Variants in DOCK5 observed in about 807,000 individuals in gnomAD.
DOCK5 encodes the protein dedicator of cytokinesis protein 5.
DOCK5 carries 142 observed loss-of-function variants against 251.8 expected under a neutral mutation model. The ratio of observed to expected loss-of-function variants is 0.56; its 90% CI spans 0.49 to 0.65. DOCK5 has a LOEUF of 0.65. Ranked by LOEUF, DOCK5 falls within the 30% of genes least tolerant of loss-of-function variation. DOCK5 has a pLI of 0.00. For synonymous variants in DOCK5, 842 were observed against 835.5 expected, an observed-to-expected ratio of 1.01 and a Z score of -0.13; for missense variants, 2,111 against 2,312.3, an observed-to-expected ratio of 0.91 and a Z score of 1.79.
rs192639172 is a variant in DOCK5 at position 25,351,852 on chromosome 8, C to T, written c.2850+26C>T. On this transcript the variant is annotated intron_variant, in intron 27 of 51. Transcript: ENST00000276440. ...GTGAGTATCTCTTTGTTGGATCCCA[C>T]GGCCGCTGCTGTTTCTCTGTCCCCT... is the stretch of plus-strand genomic sequence containing the variant. 2.2e-5 allele frequency: 35 copies of T among 1,597,540 alleles called. No individual in the cohort carries two copies. In the Admixed American group the frequency reaches 2.7e-4, roughly 12 times the overall value.
chr8:25,300,770 C>A, intron 9 of DOCK5, 113 bp downstream of exon 9: 1 of 1,181,300 alleles, frequency 8.5e-7, no homozygotes, highest in Admixed American at 2.3e-5. Context: ...AATCATCAAT[C>A]TGCCTAGCAG....
chr8:25,320,269 G>A (rs1017101763), intron 15 of DOCK5, among the ~76,000 whole-genome samples: 4 of 152,100 alleles, frequency 2.6e-5, no homozygotes, highest in East Asian at 1.9e-4. Context: ...GAAGTCACAC[G>A]AGTTCTTCAT....
intron 1 of DOCK5, among the ~76,000 whole-genome samples, chr8:25,219,294 T>A (rs1586237369): frequency 1.3e-5 from 2 of 152,258 alleles, no homozygotes; most frequent in African/African-American, 2.4e-5. Context: ...TTCATTTCTA[T>A]GTCCTCCAAT....
Position 25,411,611 on chromosome 8 carries a change from A to C in DOCK5, c.*313A>C, listed in dbSNP as rs912788459. On this transcript the variant is annotated 3_prime_UTR_variant, in exon 52 of 52. Coordinates refer to ENST00000276440, the MANE Select transcript of DOCK5 (RefSeq NM_024940.8). ...CGGCAGAGACATGGTGGTCTGCACA[A>C]GCCTGGACAAGTTCTTCCATATTGA... 1.7e-5 allele frequency: 4 copies of C among 241,630 alleles called. No individual in the cohort carries two copies. Among genetic ancestry groups the C allele is most frequent in the Non-Finnish European group, 3.2e-5 (4 of 126,814 alleles). The allele number at this position is 241,630 out of a possible 1,614,324, so 15.0% of individuals were successfully genotyped here.
intron 26 of DOCK5, among the ~76,000 whole-genome samples, chr8:25,346,952 T>A (rs1800381234): frequency 6.6e-6 from 1 of 152,046 alleles, no homozygotes; most frequent in Admixed American, 6.6e-5. Flanking sequence ...ATGTGTTCAC[T>A]CGAACAGTTG....
rs55963570 is a variant in DOCK5, at chr8:25,246,704, T to TTGTGTGTGTG, written c.127+2990_127+2999dup. Reference sequence around the variant, plus strand: ...GGTAATTCTTCACTGCCATGTTAGTTTGTGTGTGTGTGTGTGTGTGTGTGT... The same window carrying TTGTGTGTGTG: ...GGTAATTCTTCACTGCCATGTTAGTTTGTGTGTGTGTGTGTGTGTGTGTGTGTGTGTGTGT... On this transcript the variant is annotated intron_variant, in intron 2 of 51. Transcript: ENST00000276440. Among the ~76,000 whole-genome samples, 189 of 89,590 alleles carry TTGTGTGTGTG rather than the reference T, an allele frequency of 2.1e-3. 1 individual carries two copies. The highest frequency in any genetic ancestry group is 6.1e-3 in the African/African-American group (153 of 25,246). The allele number at this position is 89,590 out of a possible 152,430, so 58.8% of individuals were successfully genotyped here.
At chr8:25,288,338 A>G (rs949394096) in intron 5 of DOCK5, among the ~76,000 whole-genome samples, 7 of 152,224 alleles carry the variant, frequency 4.6e-5, no homozygotes, top group African/African-American at 1.7e-4. Flanking sequence ...ATCTCCTTGA[A>G]GTGAATGGGG....
intron 5 of DOCK5, 53 bp downstream of exon 5, chr8:25,278,718 T>A: frequency 6.5e-7 from 1 of 1,541,798 alleles, no homozygotes; most frequent in Non-Finnish European, 8.9e-7. Flanking sequence ...GTCCTCAGCC[T>A]GTAGGTCCTT....
rs532454572 is a variant in DOCK5 at position 25,412,990 on chromosome 8, A to G, written c.*1692A>G. ...GAAAACCTGCATTGTGCTAGCATGG[A>G]AGAATCATGGGCTTTGGAATTAAAC... On this transcript the variant is annotated 3_prime_UTR_variant, in exon 52 of 52. Transcript: ENST00000276440. 6.6e-6 allele frequency: 1 copy of G among 152,324 alleles called. No individual in the cohort carries two copies. Among genetic ancestry groups the G allele is most frequent in the South Asian group, 2.1e-4 (1 of 4,826 alleles). The allele number at this position is 152,324 out of a possible 1,614,324, so 9.4% of individuals were successfully genotyped here.
intron 21 of DOCK5, among the ~76,000 whole-genome samples, chr8:25,335,403 A>G (rs945569377): frequency 2.0e-5 from 3 of 152,078 alleles, no homozygotes; most frequent in South Asian, 4.2e-4. Context: ...TTTTTAAAAA[A>G]TAATAATTCG....
Position 25,308,780 on chromosome 8 carries a change from A to G in DOCK5, c.1050-3A>G. ...ACCTTACCTCTTATTTCTCTTTCCC[A>G]AGAATTGCGATGGAAACCTACATCC... On this transcript the variant is annotated splice_polypyrimidine_tract_variant and splice_region_variant and intron_variant, in intron 11 of 51. Coordinates refer to ENST00000276440, the MANE Select transcript of DOCK5 (RefSeq NM_024940.8). 1.2e-6 allele frequency: 2 copies of G among 1,613,538 alleles called. No homozygotes were observed. Among genetic ancestry groups the G allele is most frequent in the Non-Finnish European group, 1.7e-6 (2 of 1,179,552 alleles).
intron 27 of DOCK5, among the ~76,000 whole-genome samples, chr8:25,352,810 G>A (rs1271897230): frequency 1.3e-5 from 2 of 152,116 alleles, no homozygotes; most frequent in Non-Finnish European, 2.9e-5. Flanking sequence ...ATAGTGTTAG[G>A]AGGCAACAGG....
Position 25,366,941 on chromosome 8 carries a change from ACAAGC to A in DOCK5, c.3201_3205del (p.Lys1068GlnfsTer5). ...AGTCCCTTCAGCTTGAAACCTTCTCACAAGCCAAGCGCAACAAAATTGTTAAAAAG... is the reference window on the plus strand; with the variant it reads ...AGTCCCTTCAGCTTGAAACCTTCTCACAAGCGCAACAAAATTGTTAAAAAG... On this transcript the variant is annotated frameshift_variant, in exon 31 of 52. Coordinates refer to ENST00000276440, the MANE Select transcript of DOCK5 (RefSeq NM_024940.8). LOFTEE classifies it high-confidence loss of function. 1 of 1,613,752 alleles carries A rather than the reference ACAAGC, an allele frequency of 6.2e-7. No individual in the cohort carries two copies. The highest frequency in any genetic ancestry group is 8.5e-7 in the Non-Finnish European group (1 of 1,179,768).
intron 5 of DOCK5, among the ~76,000 whole-genome samples, chr8:25,286,908 T>C (rs1804350724): frequency 6.6e-6 from 1 of 152,100 alleles, no homozygotes; most frequent in Non-Finnish European, 1.5e-5. Context: ...CTCAAACTCC[T>C]AGGCTCAAGC....
In DOCK5 at chr8:25,346,611, G is replaced by C. The variant is rs547881328; in HGVS notation, c.2754+1000G>C. Among the ~76,000 whole-genome samples, 3 of 98,026 alleles carry C rather than the reference G, an allele frequency of 3.1e-5. 1 individual carries two copies. The South Asian group carries it at 1.2e-3, about 38-fold the overall frequency. The allele number at this position is 98,026 out of a possible 152,430, so 64.3% of individuals were successfully genotyped here. On this transcript the variant is annotated intron_variant, in intron 26 of 51. Coordinates refer to ENST00000276440, the MANE Select transcript of DOCK5 (RefSeq NM_024940.8). ...GAGGCCGAGGTGGATGGATCACGAG[G>C]TCAGGAGATCGAGACCATCCTGGCT... is the stretch of plus-strand genomic sequence containing the variant.
intron 1 of DOCK5, among the ~76,000 whole-genome samples, chr8:25,236,760 G>T (rs113695976): frequency 0.059 from 8,683 of 146,986 alleles, 569 homozygotes; most frequent in African/African-American, 0.17. Flanking sequence ...TTTTTGTGTG[G>T]TTTTTTTTTT....
chr8:25,196,009 G>A (rs1297704132), intron 1 of DOCK5, among the ~76,000 whole-genome samples: 1 of 152,172 alleles, frequency 6.6e-6, no homozygotes, highest in African/African-American at 2.4e-5. Context: ...CACCCTGTGT[G>A]TATTTCCCAT....
At position 25,210,035 on chromosome 8, in the gene DOCK5, AATGTGTGTG is replaced by A. The variant is rs1563309111; in HGVS notation, c.43+25085_43+25093del. Among the ~76,000 whole-genome samples the A allele has an allele frequency of 1.3e-3, 15 of 11,720 alleles. 5 individuals carry two copies. Among genetic ancestry groups the A allele is most frequent in the African/African-American group, 2.4e-3 (15 of 6,358 alleles). 7.7% of individuals were successfully genotyped at this position (11,720 alleles called of 152,430 possible). On this transcript the variant is annotated intron_variant, in intron 1 of 51. Coordinates refer to ENST00000276440, the MANE Select transcript of DOCK5 (RefSeq NM_024940.8). Reference sequence around the variant, plus strand: ...ATATATATATATATATATATATATAAATGTGTGTGTGTGTGTGTGTGTGTGTGTGTGTGT... The same window carrying A: ...ATATATATATATATATATATATATAATGTGTGTGTGTGTGTGTGTGTGTGT...
chr8:25,382,269 G>T (rs142619645), intron 39 of DOCK5, among the ~76,000 whole-genome samples: 5 of 152,158 alleles, frequency 3.3e-5, no homozygotes, highest in Non-Finnish European at 5.9e-5. Context: ...GAGCCACTGC[G>T]CCTGGCCTTG....
Sources: gnomAD v4.1 joint callset for allele counts (sites outside exome capture counted in the v4.1 genomes callset) on GRCh38, gnomAD v4.1.1 for gene constraint, MANE v1.5 for transcripts, NCBI Gene and HGNC (gene_info 2026-07-23, HGNC 2026-07-21) for gene names.